The following LYPD6 variants were observed in gnomAD, a reference collection of about 807,000 sequenced individuals.
LYPD6 encodes LY6/PLAUR domain containing 6.
A neutral mutation model predicts 22.7 loss-of-function variants in LYPD6; 15 were observed. The observed-to-expected ratio is 0.66, with a 90% CI of 0.44 to 1.02. LYPD6 has a LOEUF of 1.02. LYPD6 is among the 50% of genes least tolerant of loss of function. The pLI is 0.00. For missense variants in LYPD6, 189 were observed against 208.4 expected, an observed-to-expected ratio of 0.91 and a Z score of 0.57; for synonymous variants, 72 against 77.5, an observed-to-expected ratio of 0.93 and a Z score of 0.37.
At chr2:149,340,445 A>G (rs1355211443) in intron 1 of LYPD6, among the ~76,000 whole-genome samples, 2 of 152,122 alleles carry the variant, frequency 1.3e-5, no homozygotes, top group Admixed American at 6.6e-5. Context: ...GTGAGAGATT[A>G]TGTTAATTTT....
At chr2:149,465,464 C>T (rs1416217771) in intron 3 of LYPD6, among the ~76,000 whole-genome samples, 1 of 152,128 alleles carries the variant, frequency 6.6e-6, no homozygotes, top group East Asian at 1.9e-4. Flanking sequence ...GTATTTTCCT[C>T]CCATTAATTT....
At chr2:149,336,089 C>T (rs977092462) in intron 1 of LYPD6, among the ~76,000 whole-genome samples, 1 of 152,162 alleles carries the variant, frequency 6.6e-6, no homozygotes, top group South Asian at 2.1e-4. Context: ...ATTCCAGTTC[C>T]CTCCTCATTC....
downstream of LYPD6, among the ~76,000 whole-genome samples, chr2:149,476,956 T>G (rs949971093): frequency 6.6e-6 from 1 of 152,092 alleles, no homozygotes; most frequent in African/African-American, 2.4e-5. Context: ...ACCAGTTGTT[T>G]GGGGAGAGGG....
chr2:149,346,366 A>G (rs945018761), intron 1 of LYPD6, among the ~76,000 whole-genome samples: 2 of 152,200 alleles, frequency 1.3e-5, no homozygotes, highest in Non-Finnish European at 2.9e-5. Context: ...CAGCAGCTCA[A>G]TGAACTTGGG....
the LYPD6 span, among the ~76,000 whole-genome samples, chr2:149,482,539 T>G: frequency 6.6e-6 from 1 of 152,206 alleles, no homozygotes; most frequent in African/African-American, 2.4e-5. Context: ...GAGTCAGACC[T>G]GTCCTTTCTC....
chr2:149,442,573 G>T (rs961765990), intron 2 of LYPD6, among the ~76,000 whole-genome samples: 2 of 151,326 alleles, frequency 1.3e-5, no homozygotes, highest in African/African-American at 4.9e-5. Flanking sequence ...TTGAAACTCC[G>T]CTTGCTCTAC....
intron 1 of LYPD6, among the ~76,000 whole-genome samples, chr2:149,425,558 A>G (rs1461558895): frequency 6.6e-6 from 1 of 152,214 alleles, no homozygotes; most frequent in African/African-American, 2.4e-5. Flanking sequence ...AAAATGTTCT[A>G]TTATCAAGGA....
Position 149,383,822 on chromosome 2 carries a change from G to T in LYPD6, c.-72+53100G>T, listed in dbSNP as rs192469713. Among the ~76,000 whole-genome samples the T allele has an allele frequency of 6.4e-4, 97 of 152,238 alleles. 1 individual carries two copies. The South Asian group carries it at 8.3e-3, about 13-fold the overall frequency. On this transcript the variant is annotated intron_variant, in intron 1 of 4. Coordinates refer to ENST00000334166, the MANE Select transcript of LYPD6 (RefSeq NM_194317.5). ...ATAAAACTGAGTTTCCCTACATATG[G>T]TGTGTTTGTTATAACCTACACCTCT...
chr2:149,372,734 T>G (rs1681838685), intron 1 of LYPD6, among the ~76,000 whole-genome samples: 1 of 152,200 alleles, frequency 6.6e-6, no homozygotes, highest in Non-Finnish European at 1.5e-5. Flanking sequence ...GATAGTAGAT[T>G]CCTGTGAAGA....
chr2:149,453,134 A>C (rs1311888012), intron 3 of LYPD6, among the ~76,000 whole-genome samples: 1 of 152,164 alleles, frequency 6.6e-6, no homozygotes, highest in East Asian at 1.9e-4. Context: ...TCAGCTACTC[A>C]TTATAAATCT....
intron 1 of LYPD6, 86 bp from the exon 2 acceptor site, chr2:149,437,552 C>A: frequency 8.6e-7 from 1 of 1,161,824 alleles, no homozygotes; most frequent in Non-Finnish European, 1.2e-6. Flanking sequence ...TGCTCTCCAT[C>A]CCATCTTACC....
chr2:149,354,509 T>G (rs1478118506), intron 1 of LYPD6, among the ~76,000 whole-genome samples: 1 of 152,106 alleles, frequency 6.6e-6, no homozygotes, highest in African/African-American at 2.4e-5. Context: ...CCTGGCCTCC[T>G]ATAGCATTTT....
At chr2:149,355,658 G>T (rs1040787876) in intron 1 of LYPD6, among the ~76,000 whole-genome samples, 5 of 152,132 alleles carry the variant, frequency 3.3e-5, no homozygotes, top group Admixed American at 6.5e-5. Flanking sequence ...AGGGACTTGT[G>T]TATACTCAGA....
chr2:149,423,276 C>A (rs1683120013), intron 1 of LYPD6, among the ~76,000 whole-genome samples: 1 of 152,138 alleles, frequency 6.6e-6, no homozygotes, highest in African/African-American at 2.4e-5. Context: ...TGGCCTGAAG[C>A]ATTCAATAAA....
intron 1 of LYPD6, among the ~76,000 whole-genome samples, chr2:149,350,638 G>C (rs942063438): frequency 6.6e-6 from 1 of 152,184 alleles, no homozygotes; most frequent in African/African-American, 2.4e-5. Context: ...TTTCCAATAC[G>C]TGGGTAGATG....
intron 1 of LYPD6, among the ~76,000 whole-genome samples, chr2:149,347,349 G>A (rs926289219): frequency 2.0e-5 from 3 of 152,040 alleles, no homozygotes; most frequent in African/African-American, 7.2e-5. Context: ...ATGAATTTTG[G>A]GGGACACAAA....
chr2:149,355,338 A>T (rs1221841594), intron 1 of LYPD6, among the ~76,000 whole-genome samples: 1 of 152,220 alleles, frequency 6.6e-6, no homozygotes, highest in East Asian at 1.9e-4. Context: ...CTCAGTTGTC[A>T]GTTCTAATCA....
Position 149,470,763 on chromosome 2 carries a change from G to A in LYPD6, c.429G>A (p.Thr143=), listed in dbSNP as rs903116985. ...RNETDATFAT[T]SPINQTNGHP... Reference sequence around the variant, plus strand: ...AAACTGATGCCACATTTGCCACGACGTCACCTATAAATCAGACAAATGGGC... The same window carrying A: ...AAACTGATGCCACATTTGCCACGACATCACCTATAAATCAGACAAATGGGC... Residue 143 remains threonine, a synonymous_variant, in exon 5 of 5, where the codon ACG becomes ACA. Coordinates refer to ENST00000334166, the MANE Select transcript of LYPD6 (RefSeq NM_194317.5). 7.4e-6 allele frequency: 12 copies of A among 1,613,566 alleles called. No homozygotes were observed. The highest frequency in any genetic ancestry group is 2.2e-5 in the East Asian group (1 of 44,862).
intron 1 of LYPD6, among the ~76,000 whole-genome samples, chr2:149,345,798 A>G (rs976087513): frequency 1.3e-5 from 2 of 152,152 alleles, no homozygotes; most frequent in African/African-American, 2.4e-5. Flanking sequence ...TTGGCAGACA[A>G]CTGATAACTG....
Sources: gnomAD v4.1 joint callset for allele counts (sites outside exome capture counted in the v4.1 genomes callset) on GRCh38, gnomAD v4.1.1 for gene constraint, MANE v1.5 for transcripts, NCBI Gene and HGNC (gene_info 2026-07-23, HGNC 2026-07-21) for gene names.